Variants in ATG10 observed in about 807,000 individuals in gnomAD.
ATG10 encodes ubiquitin-like-conjugating enzyme ATG10.
Under a neutral mutation model 32.1 loss-of-function variants are expected in ATG10, and 30 were observed. The observed-to-expected ratio is 0.94, with a 90% CI of 0.70 to 1.27. ATG10 has a LOEUF of 1.27. Ranked by LOEUF, ATG10 falls within the 50% of genes most tolerant of loss-of-function variation. The pLI is 0.00. For missense variants in ATG10, 233 were observed against 262.3 expected, an observed-to-expected ratio of 0.89 and a Z score of 0.77; for synonymous variants, 87 against 91.5, an observed-to-expected ratio of 0.95 and a Z score of 0.28.
At chr5:82,221,126 T>A (rs1745909541) in intron 5 of ATG10, among the ~76,000 whole-genome samples, 1 of 152,170 alleles carries the variant, frequency 6.6e-6, no homozygotes, top group African/African-American at 2.4e-5. Context: ...TCTGTGCTTC[T>A]CTCTGTCTGG....
intron 1 of ATG10, chr5:81,972,661 A>G (rs866774535): frequency 2.6e-5 from 4 of 152,226 alleles, no homozygotes; most frequent in Admixed American, 6.5e-5. Flanking sequence ...ACAGTATTAA[A>G]TTACTGGGGC....
intron 5 of ATG10, among the ~76,000 whole-genome samples, chr5:82,178,958 T>C (rs1043032239): frequency 1.3e-5 from 2 of 152,112 alleles, no homozygotes; most frequent in African/African-American, 4.8e-5. Context: ...AAGTAGAAAA[T>C]GCATTTCATA....
chr5:82,027,942 T>G (rs1275157243), intron 2 of ATG10, among the ~76,000 whole-genome samples: 1 of 152,194 alleles, frequency 6.6e-6, no homozygotes, highest in Admixed American at 6.5e-5. Flanking sequence ...ATTTGAACAT[T>G]TTAAGGTTCT....
At chr5:82,101,188 C>A (rs559872861) in intron 3 of ATG10, among the ~76,000 whole-genome samples, 2 of 152,228 alleles carry the variant, frequency 1.3e-5, no homozygotes, top group Admixed American at 1.3e-4. Flanking sequence ...CTTATATAAA[C>A]AGAGTCTGGA....
chr5:82,124,833 A>G (rs910031830), intron 3 of ATG10, among the ~76,000 whole-genome samples: 4 of 152,050 alleles, frequency 2.6e-5, no homozygotes, highest in African/African-American at 9.7e-5. Flanking sequence ...GTCAAACAGT[A>G]TTTCTGGTTC....
At chr5:82,116,235 G>C (rs1290124715) in intron 3 of ATG10, among the ~76,000 whole-genome samples, 3 of 151,914 alleles carry the variant, frequency 2.0e-5, no homozygotes, top group Non-Finnish European at 2.9e-5. Context: ...ATAGTAGTTG[G>C]CATTGAATTA....
chr5:81,975,543 AT>A (rs1261460826), intron 1 of ATG10, among the ~76,000 whole-genome samples: 1 of 152,082 alleles, frequency 6.6e-6, no homozygotes, highest in African/African-American at 2.4e-5. Flanking sequence ...TTAGCTGTGC[AT>A]GGTGGTGCAC....
At chr5:82,235,022 C>T (rs1030929706) in intron 5 of ATG10, among the ~76,000 whole-genome samples, 3 of 152,198 alleles carry the variant, frequency 2.0e-5, no homozygotes, top group Admixed American at 6.5e-5. Flanking sequence ...TTTCCTGGCA[C>T]GCCCCTGGAG....
chr5:82,216,147 A>G (rs1332859856), intron 5 of ATG10, among the ~76,000 whole-genome samples: 1 of 152,156 alleles, frequency 6.6e-6, no homozygotes, highest in Non-Finnish European at 1.5e-5. Flanking sequence ...AAACTAAAGA[A>G]CAGCTTGATG....
chr5:82,218,385 A>G (rs149351344), intron 5 of ATG10, among the ~76,000 whole-genome samples: 1 of 152,138 alleles, frequency 6.6e-6, no homozygotes, highest in Admixed American at 6.5e-5. Context: ...CATATGTCTT[A>G]CTTTCATCCT....
intron 2 of ATG10, among the ~76,000 whole-genome samples, chr5:82,024,538 C>CA (rs1561260331): frequency 6.6e-6 from 1 of 152,046 alleles, no homozygotes; most frequent in Non-Finnish European, 1.5e-5. Flanking sequence ...GTGTTTTTCA[C>CA]AAAAATATGT....
intron 5 of ATG10, among the ~76,000 whole-genome samples, chr5:82,221,306 C>T (rs1358344061): frequency 6.6e-6 from 1 of 152,136 alleles, no homozygotes; most frequent in Non-Finnish European, 1.5e-5. Context: ...ACCTCTTCTA[C>T]AGTAGGGGCT....
chr5:81,983,515 C>A (rs867077101), intron 1 of ATG10, among the ~76,000 whole-genome samples: 1 of 133,290 alleles, frequency 7.5e-6, no homozygotes, highest in East Asian at 2.5e-4. Flanking sequence ...GGGGGGCTGA[C>A]CCCCCCCACC....
At chr5:82,244,582 C>T (rs1031359493) in intron 5 of ATG10, among the ~76,000 whole-genome samples, 6 of 151,976 alleles carry the variant, frequency 3.9e-5, no homozygotes, top group Non-Finnish European at 7.4e-5. Flanking sequence ...AGGAATGTGC[C>T]CAGCGTGGAA....
At chr5:82,213,228 C>G (rs373080177) in intron 5 of ATG10, among the ~76,000 whole-genome samples, 2 of 152,200 alleles carry the variant, frequency 1.3e-5, no homozygotes, top group African/African-American at 2.4e-5. Context: ...TCTTCATACA[C>G]GAATTTCTCT....
At chr5:82,080,623 C>T (rs1414108255) in intron 3 of ATG10, among the ~76,000 whole-genome samples, 1 of 152,164 alleles carries the variant, frequency 6.6e-6, no homozygotes, top group African/African-American at 2.4e-5. Context: ...ATAGGAAATC[C>T]TTTCCCCATT....
intron 5 of ATG10, among the ~76,000 whole-genome samples, chr5:82,187,180 C>A (rs1744479397): frequency 6.6e-6 from 1 of 151,076 alleles, no homozygotes; most frequent in South Asian, 2.1e-4. Context: ...CTGATTTTTA[C>A]CAGAAGTCTC....
chr5:82,030,470 A>C (rs938800270), intron 2 of ATG10, among the ~76,000 whole-genome samples: 3 of 152,194 alleles, frequency 2.0e-5, no homozygotes, highest in Non-Finnish European at 4.4e-5. Context: ...GAACAATAAC[A>C]TTCTTACTTG....
At chr5:82,228,707 T>C (rs1746232507) in intron 5 of ATG10, among the ~76,000 whole-genome samples, 1 of 152,212 alleles carries the variant, frequency 6.6e-6, no homozygotes, top group East Asian at 1.9e-4. Flanking sequence ...GGAAATCATA[T>C]AATTTGCAAC....
Sources: gnomAD v4.1 joint callset for allele counts (sites outside exome capture counted in the v4.1 genomes callset) on GRCh38, gnomAD v4.1.1 for gene constraint, MANE v1.5 for transcripts, NCBI Gene and HGNC (gene_info 2026-07-23, HGNC 2026-07-21) for gene names.